FERMT2: variants seen among roughly 807,000 people sequenced by gnomAD.
The protein encoded by FERMT2 is fermitin family homolog 2.
FERMT2 carries 15 observed loss-of-function variants against 82.7 expected under a neutral mutation model. The observed-to-expected ratio is 0.18, with a 90% CI of 0.12 to 0.28. FERMT2 has a LOEUF of 0.28. FERMT2 is among the 10% of genes least tolerant of loss of function. The probability of loss-of-function intolerance (pLI) is 1.00; values close to 1 mark genes in which losing one functional copy is unlikely to be tolerated. For missense variants in FERMT2, 645 were observed against 809.4 expected, an observed-to-expected ratio of 0.80 and a Z score of 2.46; for synonymous variants, 274 against 271.5, an observed-to-expected ratio of 1.01 and a Z score of -0.09.
At chr14:52,890,103 C>T (rs1594953300) in intron 4 of FERMT2, among the ~76,000 whole-genome samples, 1 of 143,930 alleles carries the variant, frequency 6.9e-6, no homozygotes, top group Non-Finnish European at 1.5e-5. Context: ...CTGGGTGACA[C>T]AGTGAGACTG....
Position 52,950,901 on chromosome 14 carries a change from G to C in FERMT2, c.-10+20C>G, listed in dbSNP as rs1478380256. ...CCCCGCCGCGCCCCCTCGGGTCCCGGCGGGGTCCCGCTCCCTCACCGCGCG... is the reference window on the plus strand; with the variant it reads ...CCCCGCCGCGCCCCCTCGGGTCCCGCCGGGGTCCCGCTCCCTCACCGCGCG... On this transcript the variant is annotated intron_variant, in intron 1 of 14. Transcript: ENST00000341590. 1 of 188,336 alleles carries C rather than the reference G, an allele frequency of 5.3e-6. No individual in the cohort carries two copies. The highest frequency in any genetic ancestry group is 1.1e-5 in the Non-Finnish European group (1 of 92,490). 11.7% of individuals were successfully genotyped at this position (188,336 alleles called of 1,614,324 possible).
Position 52,881,485 on chromosome 14 carries a change from A to G in FERMT2, c.527-16T>C. On this transcript the variant is annotated splice_polypyrimidine_tract_variant and intron_variant, in intron 4 of 14. Transcript: ENST00000341590. ...TATATACTTCCTAATAAGTAACATG[A>G]AAAACAGGTAGTAAGTATGCAGTAC... 1.3e-6 allele frequency: 2 copies of G among 1,536,332 alleles called. No homozygotes were observed. The highest frequency in any genetic ancestry group is 1.8e-6 in the Non-Finnish European group (2 of 1,110,760).
At chr14:52,860,674 A>C in intron 12 of FERMT2, 1 of 574,178 alleles carries the variant, frequency 1.7e-6, no homozygotes, top group East Asian at 3.0e-5. Flanking sequence ...CAGTTTTCAT[A>C]TATCAACAAA....
chr14:52,861,910 C>T (rs1421414738), intron 12 of FERMT2: 1 of 152,198 alleles, frequency 6.6e-6, no homozygotes, highest in African/African-American at 2.4e-5. Flanking sequence ...CATCTTCCTA[C>T]AGCCTCCAGA....
At chr14:52,859,831 T>C (rs1884795581) in intron 13 of FERMT2, 117 bp from the exon 14 acceptor site, 3 of 593,052 alleles carry the variant, frequency 5.1e-6, no homozygotes, top group Non-Finnish European at 8.0e-6. Flanking sequence ...TTTTTTTTTT[T>C]TTTTGAGACG....
In FERMT2 at chr14:52,898,133, C is replaced by T. The variant is rs1445236380; in HGVS notation, c.392-4706G>A. Reference sequence around the variant, plus strand: ...GAATTAGCAGAAGAACTATCCTGAACGAATATGTGACCACAGAGTAGGTAA... The same window carrying T: ...GAATTAGCAGAAGAACTATCCTGAATGAATATGTGACCACAGAGTAGGTAA... On this transcript the variant is annotated intron_variant, in intron 3 of 14. Transcript: ENST00000341590. Among the ~76,000 whole-genome samples, 15 of 151,992 alleles carry T rather than the reference C, an allele frequency of 9.9e-5. 1 individual carries two copies. The highest frequency in any genetic ancestry group is 7.9e-4 in the Admixed American group (12 of 15,254).
At chr14:52,905,707 C>T (rs967866541) in intron 3 of FERMT2, among the ~76,000 whole-genome samples, 7 of 152,110 alleles carry the variant, frequency 4.6e-5, no homozygotes, top group African/African-American at 1.7e-4. Flanking sequence ...GATGGAAGAG[C>T]CTTTTACTAC....
chr14:52,889,412 C>T (rs1886802153), intron 4 of FERMT2, among the ~76,000 whole-genome samples: 1 of 152,074 alleles, frequency 6.6e-6, no homozygotes, highest in Non-Finnish European at 1.5e-5. Context: ...CAGCTGCAGT[C>T]TGGGTGAAAA....
intron 2 of FERMT2, among the ~76,000 whole-genome samples, chr14:52,931,164 C>T (rs1454427655): frequency 1.3e-5 from 2 of 152,108 alleles, no homozygotes; most frequent in African/African-American, 4.8e-5. Context: ...ATGCCAGGCA[C>T]TAAGTTGGGC....
intron 3 of FERMT2, among the ~76,000 whole-genome samples, chr14:52,897,647 T>G (rs1016890270): frequency 3.3e-5 from 5 of 152,042 alleles, no homozygotes; most frequent in Admixed American, 1.3e-4. Flanking sequence ...ATGTGGGTTT[T>G]GGTCAGGTTT....
intron 10 of FERMT2, among the ~76,000 whole-genome samples, chr14:52,866,020 G>A (rs1885258998): frequency 6.6e-6 from 1 of 152,240 alleles, no homozygotes; most frequent in African/African-American, 2.4e-5. Flanking sequence ...TGTTTAATGT[G>A]CAAAGTTGAA....
chr14:52,892,057 T>C (rs1391914954), intron 4 of FERMT2, among the ~76,000 whole-genome samples: 2 of 151,504 alleles, frequency 1.3e-5, no homozygotes, highest in Non-Finnish European at 2.9e-5. Flanking sequence ...ATTGGAAAAG[T>C]AATGAAAGGG....
intron 2 of FERMT2, among the ~76,000 whole-genome samples, chr14:52,938,148 T>C (rs558822736): frequency 2.0e-5 from 3 of 152,344 alleles, no homozygotes; most frequent in Admixed American, 2.0e-4. Flanking sequence ...CTTCAAGGAA[T>C]GTATTCAGAC....
At position 52,864,955 on chromosome 14, in the gene FERMT2, T is replaced by C. The variant is rs1885179399; in HGVS notation, c.1274-102A>G. 22 of 728,162 alleles carry C rather than the reference T, an allele frequency of 3.0e-5. 1 individual carries two copies. The South Asian group carries it at 3.7e-4, about 12-fold the overall frequency. 45.1% of individuals were successfully genotyped at this position (728,162 alleles called of 1,614,324 possible). ...CTGTGGCATCTTAACATGTTGGATT[T>C]TGCCATAGTATTTTATGAAGGCATC... On this transcript the variant is annotated intron_variant, in intron 10 of 14. Coordinates refer to ENST00000341590, the MANE Select transcript of FERMT2 (RefSeq NM_006832.3).
intron 2 of FERMT2, among the ~76,000 whole-genome samples, chr14:52,940,981 T>C (rs1890063417): frequency 6.6e-6 from 1 of 152,142 alleles, no homozygotes; most frequent in Non-Finnish European, 1.5e-5. Flanking sequence ...ATCCCACACC[T>C]AGGTAGTTAC....
At chr14:52,873,229 T>C (rs1057468252) in intron 9 of FERMT2, among the ~76,000 whole-genome samples, 8 of 151,888 alleles carry the variant, frequency 5.3e-5, no homozygotes, top group Admixed American at 3.3e-4. Context: ...ATGGGAAGGG[T>C]AGGAAAAGAA....
intron 2 of FERMT2, chr14:52,928,201 G>T (rs1055780861): frequency 1.7e-5 from 4 of 234,416 alleles, no homozygotes; most frequent in Non-Finnish European, 3.7e-5. Context: ...TAAACTAGAA[G>T]CAAAGTTTAC....
chr14:52,867,523 CTT>C (rs1885360831), intron 10 of FERMT2, among the ~76,000 whole-genome samples: 1 of 152,004 alleles, frequency 6.6e-6, no homozygotes. Context: ...TGCCCTGTCT[CTT>C]AAACATGGGT....
intron 6 of FERMT2, among the ~76,000 whole-genome samples, chr14:52,878,999 T>C (rs1033613958): frequency 2.6e-5 from 4 of 152,214 alleles, no homozygotes; most frequent in Non-Finnish European, 4.4e-5. Flanking sequence ...CTAGACATTA[T>C]AGCCTTTAAC....
Sources: gnomAD v4.1 joint callset for allele counts (sites outside exome capture counted in the v4.1 genomes callset) on GRCh38, gnomAD v4.1.1 for gene constraint, MANE v1.5 for transcripts, NCBI Gene and HGNC (gene_info 2026-07-23, HGNC 2026-07-21) for gene names.